ZBTB10: variants seen among roughly 807,000 people sequenced by gnomAD.
ZBTB10 encodes zinc finger and BTB domain containing 10, also known as zinc finger and BTB domain-containing protein 10.
A neutral mutation model predicts 76.4 loss-of-function variants in ZBTB10; 32 were observed. The ratio of observed to expected loss-of-function variants is 0.42; its 90% CI spans 0.32 to 0.56. ZBTB10 has a LOEUF of 0.56. ZBTB10 is among the 20% of genes least tolerant of loss of function. The pLI, the probability that ZBTB10 is intolerant of heterozygous loss-of-function variation, is 0.14. For missense variants in ZBTB10, 1,057 were observed against 1,098.5 expected (o/e 0.96, Z 0.53); for synonymous variants, 523 against 432.9 (o/e 1.21, Z -2.58).
intron 2 of ZBTB10, among the ~76,000 whole-genome samples, chr8:80,506,376 C>T (rs569917686): frequency 3.3e-5 from 5 of 151,716 alleles, no homozygotes; most frequent in East Asian, 1.9e-4. Context: ...AGTGCAGTGG[C>T]GTGATCTTGG....
At chr8:80,513,267 C>G (rs1816244551) in intron 2 of ZBTB10, among the ~76,000 whole-genome samples, 2 of 152,086 alleles carry the variant, frequency 1.3e-5, no homozygotes, top group Non-Finnish European at 2.9e-5. Context: ...CTCAGCCTCC[C>G]AAGTAGCTGG....
intron 2 of ZBTB10, among the ~76,000 whole-genome samples, chr8:80,513,511 C>A (rs968707496): frequency 1.3e-5 from 2 of 152,180 alleles, no homozygotes; most frequent in African/African-American, 4.8e-5. Context: ...TTTTATACAT[C>A]TAGTACTTAC....
At chr8:80,490,399 C>G (rs1274683015) in intron 1 of ZBTB10, among the ~76,000 whole-genome samples, 1 of 151,946 alleles carries the variant, frequency 6.6e-6, no homozygotes, top group African/African-American at 2.4e-5. Context: ...CCATTCCTGG[C>G]TAATTTTTAA....
At chr8:80,502,820 TTGTACTA>T (rs1815958569) in intron 2 of ZBTB10, among the ~76,000 whole-genome samples, 1 of 152,198 alleles carries the variant, frequency 6.6e-6, no homozygotes, top group Non-Finnish European at 1.5e-5. Context: ...AAGCAGTCAT[TTGTACTA>T]TGTAAACAAA....
At position 80,486,845 on chromosome 8, in the gene ZBTB10, C is replaced by T. The variant is rs1456665405; in HGVS notation, c.35C>T (p.Ala12Val). 4 of 1,504,896 alleles carry T rather than the reference C, an allele frequency of 2.7e-6. No homozygotes were observed. The highest frequency in any genetic ancestry group is 1.5e-5 in the African/African-American group (1 of 68,196). 93.2% of individuals were successfully genotyped at this position (1,504,896 alleles called of 1,614,324 possible). Residue 12 changes from alanine (A) to valine (V), a missense_variant, in exon 1 of 6, where the codon GCG becomes GTG. This residue lies in a region of ZBTB10 where 556 missense variants were observed against 451.7 expected (regional missense o/e 1.23). Transcript: ENST00000455036. Reference sequence around the variant, plus strand: ...AGTGAAATGAACCGCAGGACGCTGGCGTTCCGAGGAGGCGGGTTGGTCACC... The same window carrying T: ...AGTGAAATGAACCGCAGGACGCTGGTGTTCCGAGGAGGCGGGTTGGTCACC... ...SFSEMNRRTL[A>V]FRGGGLVTAS... is the part of the protein sequence containing the mutation.
chr8:80,497,473 G>C (rs368186231), intron 1 of ZBTB10, among the ~76,000 whole-genome samples: 1 of 71,230 alleles, frequency 1.4e-5, no homozygotes, highest in East Asian at 3.7e-4. Flanking sequence ...ATTATATGGT[G>C]GGGGGGGGCA....
intron 1 of ZBTB10, among the ~76,000 whole-genome samples, chr8:80,496,451 A>G (rs1480257746): frequency 3.3e-5 from 5 of 151,674 alleles, no homozygotes; most frequent in African/African-American, 1.2e-4. Context: ...TGAACAAGAA[A>G]TTGCTGTTGT....
rs973318796 is a variant in ZBTB10, at chr8:80,523,685, G to A, written c.*4157G>A. On this transcript the variant is annotated 3_prime_UTR_variant, in exon 6 of 6. Coordinates refer to ENST00000455036, the MANE Select transcript of ZBTB10 (RefSeq NM_001105539.3). The stretch of plus-strand genomic sequence containing the variant: ...TAAAGAATTCTAGATAGTTTAAAAT[G>A]TGTTAGGGATAAGCACACTTCAAAA... 2.0e-5 allele frequency: 3 copies of A among 151,326 alleles called. No individual in the cohort carries two copies. The highest frequency in any genetic ancestry group is 4.4e-5 in the Non-Finnish European group (3 of 67,770). 9.4% of individuals were successfully genotyped at this position (151,326 alleles called of 1,614,324 possible). A position where few individuals can be genotyped will look rare whatever the true frequency, so the allele number is the denominator to read the frequency against.
Position 80,519,360 on chromosome 8 carries a change from G to A in ZBTB10, c.2448G>A (p.Gly816=), listed in dbSNP as rs780336553. ...GTGCAGATAAATCACAGCCAGGAGG[G>A]CAAGAAGGTGTAGATCAGGGACAGG... ...VDCADKSQPG[G]QEGVDQGQDT... Residue 816 remains glycine, a synonymous_variant, in exon 6 of 6, where the codon GGG becomes GGA. Transcript: ENST00000455036. The A allele has an allele frequency of 1.1e-5, 18 of 1,613,438 alleles. No homozygotes were observed. Among genetic ancestry groups the A allele is most frequent in the Non-Finnish European group, 1.4e-5 (16 of 1,179,758 alleles).
At chr8:80,502,995 G>C (rs947672639) in intron 2 of ZBTB10, among the ~76,000 whole-genome samples, 9 of 152,168 alleles carry the variant, frequency 5.9e-5, no homozygotes, top group African/African-American at 2.2e-4. Flanking sequence ...ATGTGGTTTG[G>C]ATGTGGAATT....
At position 80,519,595 on chromosome 8, in the gene ZBTB10, GAAC is replaced by G; in HGVS notation, c.*68_*70del. On this transcript the variant is annotated 3_prime_UTR_variant, in exon 6 of 6. Coordinates refer to ENST00000455036, the MANE Select transcript of ZBTB10 (RefSeq NM_001105539.3). ...ATATGAATCGACAATTTGGATTGTT[GAAC>G]TTGAAGGCTTGCAAAATATGGTACA... The G allele has an allele frequency of 6.8e-7, 1 of 1,460,692 alleles. No homozygotes were observed. The highest frequency in any genetic ancestry group is 9.2e-7 in the Non-Finnish European group (1 of 1,087,536). The allele number at this position is 1,460,692 out of a possible 1,614,324, so 90.5% of individuals were successfully genotyped here.
Position 80,487,571 on chromosome 8 carries a change from G to C in ZBTB10, c.761G>C (p.Trp254Ser). The C allele has an allele frequency of 6.2e-7, 1 of 1,611,766 alleles. No homozygotes were observed. The highest frequency in any genetic ancestry group is 1.7e-5 in the Admixed American group (1 of 59,510). ...CTCCAATGCTCCTTCCAGACCTCCT[G>C]GCTCAAGGACTTTCCCTGGCTGCGC... ...QKLQCSFQTS[W>S]LKDFPWLRYS... is the part of the protein sequence containing the mutation. Residue 254 changes from tryptophan (W) to serine (S), a missense_variant, in exon 1 of 6, where the codon TGG (tryptophan) becomes TCG (serine). By Grantham distance (177) the Trp-to-Ser change is radical (BLOSUM62 -3). Around this residue, in one of 5 missense-constraint regions of ZBTB10, gnomAD observed 556 missense variants for 451.7 expected, o/e 1.23. Transcript: ENST00000455036.
chr8:80,504,115 G>T (rs1025959527), intron 2 of ZBTB10, among the ~76,000 whole-genome samples: 1 of 152,146 alleles, frequency 6.6e-6, no homozygotes, highest in Non-Finnish European at 1.5e-5. Flanking sequence ...TACTAAAGTA[G>T]TAGATTCCTA....
At chr8:80,498,920 C>T (rs1043825282) in intron 1 of ZBTB10, among the ~76,000 whole-genome samples, 7 of 152,128 alleles carry the variant, frequency 4.6e-5, no homozygotes, top group Admixed American at 4.6e-4. Context: ...CTAGATATTC[C>T]TATAGTTGAA....
In ZBTB10 at chr8:80,486,711, C is replaced by T. The variant is rs1213603139; in HGVS notation, c.-100C>T. 1.7e-5 allele frequency: 17 copies of T among 997,656 alleles called. No individual in the cohort carries two copies. Among genetic ancestry groups the T allele is most frequent in the African/African-American group, 1.6e-4 (9 of 56,792 alleles). The allele number at this position is 997,656 out of a possible 1,614,324, so 61.8% of individuals were successfully genotyped here. ...CCCCGCGAGACCGGAACGCCGGGGG[C>T]GGGGGCGAGACAGAGGGGGAGCCGC... On this transcript the variant is annotated 5_prime_UTR_variant, in exon 1 of 6. Coordinates refer to ENST00000455036, the MANE Select transcript of ZBTB10 (RefSeq NM_001105539.3).
At position 80,519,274 on chromosome 8, in the gene ZBTB10, A is replaced by C; in HGVS notation, c.2362A>C (p.Met788Leu). The change falls in exon 6 of 6, where the codon ATG becomes CTG. Residue 788 changes from methionine (M) to leucine (L), a missense_variant. By Grantham distance (15) the Met-to-Leu change is conservative. Around this residue, in one of 5 missense-constraint regions of ZBTB10, gnomAD observed 54 missense variants for 138.1 expected, o/e 0.39. Coordinates refer to ENST00000455036, the MANE Select transcript of ZBTB10 (RefSeq NM_001105539.3). ...YKCMVCKKIF[M>L]LAASVGIRHG... is the part of the protein sequence containing the mutation. ...ATGTATGGTGTGTAAGAAGATCTTC[A>C]TGTTAGCAGCCAGTGTTGGAATAAG... 6 of 1,613,804 alleles carry C rather than the reference A, an allele frequency of 3.7e-6. No individual in the cohort carries two copies. Among genetic ancestry groups the C allele is most frequent in the Non-Finnish European group, 4.2e-6 (5 of 1,179,790 alleles).
At chr8:80,512,417 T>C (rs1295287068) in intron 2 of ZBTB10, among the ~76,000 whole-genome samples, 1 of 152,188 alleles carries the variant, frequency 6.6e-6, no homozygotes, top group African/African-American at 2.4e-5. Flanking sequence ...AGTATTCACA[T>C]ATGTAATTTT....
At position 80,486,404 on chromosome 8, in the gene ZBTB10, A is replaced by C. The variant is rs372643025; in HGVS notation, c.-407A>C. 15 of 980,772 alleles carry C rather than the reference A, an allele frequency of 1.5e-5. No homozygotes were observed. The highest frequency in any genetic ancestry group is 1.8e-5 in the African/African-American group (1 of 54,996). The allele number at this position is 980,772 out of a possible 1,614,324, so 60.8% of individuals were successfully genotyped here. ...CGGAGGAAGGATATCTGTGTGGAGG[A>C]TCGGTGTGTGCGCGCGCGGCTTTAA... On this transcript the variant is annotated 5_prime_UTR_variant, in exon 1 of 6. Coordinates refer to ENST00000455036, the MANE Select transcript of ZBTB10 (RefSeq NM_001105539.3).
chr8:80,487,420 TGCAGCA>T lies in ZBTB10; in HGVS notation c.618_623del (p.Ser206_Ser207del). ...CGGCAGCGGGGCGGAAGGCGGCAGC[TGCAGCA>T]GCAGCAGGCGGTCGGGCGGCGATGG... On this transcript the variant is annotated inframe_deletion, in exon 1 of 6. Coordinates refer to ENST00000455036, the MANE Select transcript of ZBTB10 (RefSeq NM_001105539.3). 3 of 1,542,148 alleles carry T rather than the reference TGCAGCA, an allele frequency of 1.9e-6. No individual in the cohort carries two copies. The highest frequency in any genetic ancestry group is 2.6e-6 in the Non-Finnish European group (3 of 1,141,292).
Sources: gnomAD v4.1 joint callset for allele counts (sites outside exome capture counted in the v4.1 genomes callset) on GRCh38, gnomAD v4.1.1 for gene constraint, gnomAD v4.1.1 regional missense constraint, MANE v1.5 for transcripts, NCBI Gene and HGNC (gene_info 2026-07-23, HGNC 2026-07-21) for gene names.